Variants in ALOX5AP observed in about 807,000 individuals in gnomAD.
The protein encoded by ALOX5AP is arachidonate 5-lipoxygenase-activating protein.
In ALOX5AP, 9 loss-of-function variants were observed where a neutral mutation model predicts 18.5. The observed-to-expected ratio is 0.49, with a 90% confidence interval of 0.29 to 0.85. The LOEUF is 0.85. ALOX5AP is among the 40% of genes least tolerant of loss of function. The pLI, the probability that ALOX5AP is intolerant of heterozygous loss-of-function variation, is 0.08. For missense variants in ALOX5AP, 172 were observed against 202.5 expected, an observed-to-expected ratio of 0.85 and a Z score of 0.91; for synonymous variants, 81 against 78.6, an observed-to-expected ratio of 1.03 and a Z score of -0.16.
At chr13:30,715,951 G>A (rs1222097358) in intron 1 of ALOX5AP, among the ~76,000 whole-genome samples, 1 of 152,160 alleles carries the variant, frequency 6.6e-6, no homozygotes, top group Non-Finnish European at 1.5e-5. Flanking sequence ...TGCTGAGTTT[G>A]GACCAACATT....
chr13:30,713,930 G>A lies in ALOX5AP; in HGVS notation c.116+89G>A, dbSNP rs537204578. On this transcript the variant is annotated intron_variant, in intron 1 of 5. Transcript: ENST00000617770. ...TTGACCTGGGCCCAGGGCCATGTTC[G>A]GTGGTTTTTAAGAACCGAGGCTCCC... 158 of 1,425,842 alleles carry A rather than the reference G, an allele frequency of 1.1e-4. No homozygotes were observed. The African/African-American group carries it at 1.7e-3, about 15-fold the overall frequency. The allele number at this position is 1,425,842 out of a possible 1,614,324, so 88.3% of individuals were successfully genotyped here.
intron 2 of ALOX5AP, among the ~76,000 whole-genome samples, chr13:30,745,298 T>C (rs149816689): frequency 4.5e-4 from 68 of 152,338 alleles, no homozygotes; most frequent in African/African-American, 1.6e-3. Context: ...CAGTTTTTCA[T>C]TGGCTGCTTT....
chr13:30,717,441 C>T (rs1951558570), intron 1 of ALOX5AP, among the ~76,000 whole-genome samples: 1 of 152,184 alleles, frequency 6.6e-6, no homozygotes, highest in South Asian at 2.1e-4. Flanking sequence ...ATCCTCAAGC[C>T]TAAACCCTCC....
intron 1 of ALOX5AP, among the ~76,000 whole-genome samples, chr13:30,737,078 A>G (rs969652738): frequency 6.6e-6 from 1 of 152,324 alleles, no homozygotes; most frequent in Non-Finnish European, 1.5e-5. Context: ...GGTGGCTAGC[A>G]CTTATTCAGC....
Position 30,735,615 on chromosome 13 carries a change from G to A in ALOX5AP, c.10G>A (p.Glu4Lys). 1 of 1,614,170 alleles carries A rather than the reference G, an allele frequency of 6.2e-7. No homozygotes were observed. The highest frequency in any genetic ancestry group is 8.5e-7 in the Non-Finnish European group (1 of 1,180,032). Residue 4 changes from glutamate to lysine, a missense_variant, in exon 1 of 5, where the codon GAA (glutamate) becomes AAA (lysine). Coordinates refer to ENST00000380490, the MANE Select transcript of ALOX5AP (RefSeq NM_001629.4). The stretch of plus-strand genomic sequence containing the variant: ...GGAGCCTGAAGCAAACATGGATCAA[G>A]AAACTGTAGGCAATGTTGTCCTGTT... MDQ[E>K]TVGNVVLLAI...
At chr13:30,731,221 A>G (rs568194712), upstream of ALOX5AP, among the ~76,000 whole-genome samples, 17 of 152,274 alleles carry the variant, frequency 1.1e-4, no homozygotes, top group African/African-American at 4.1e-4. Context: ...GGGGATTGCC[A>G]GGTACAAATG....
At chr13:30,758,300 C>T (rs933013745) in intron 4 of ALOX5AP, among the ~76,000 whole-genome samples, 2 of 152,196 alleles carry the variant, frequency 1.3e-5, no homozygotes, top group African/African-American at 2.4e-5. Flanking sequence ...CCATCTCCTC[C>T]CCAGGCCTCT....
At chr13:30,741,805 T>C (rs1264766753) in intron 1 of ALOX5AP, among the ~76,000 whole-genome samples, 1 of 150,280 alleles carries the variant, frequency 6.7e-6, no homozygotes, top group Non-Finnish European at 1.5e-5. Flanking sequence ...AATCTGTACA[T>C]GTTCAGTCCA....
Position 30,764,124 on chromosome 13 carries a change from G to A in ALOX5AP, c.*18G>A, listed in dbSNP as rs1408261667. Reference sequence around the variant, plus strand: ...TTCCCTAACTCTCTGCTGAATATGGGGTTGGTGTTCTCATCTAATCAATAC... The same window carrying A: ...TTCCCTAACTCTCTGCTGAATATGGAGTTGGTGTTCTCATCTAATCAATAC... On this transcript the variant is annotated 3_prime_UTR_variant, in exon 5 of 5. Transcript: ENST00000380490. 19 of 1,611,034 alleles carry A rather than the reference G, an allele frequency of 1.2e-5. No homozygotes were observed. Among genetic ancestry groups the A allele is most frequent in the East Asian group, 2.2e-5 (1 of 44,854 alleles).
chr13:30,722,002 A>T (rs570055499), intron 1 of ALOX5AP, among the ~76,000 whole-genome samples: 30 of 152,344 alleles, frequency 2.0e-4, no homozygotes, highest in African/African-American at 6.7e-4. Flanking sequence ...AATGTTTCCC[A>T]TTCATTCCAA....
chr13:30,763,908 A>C (rs1326910451), intron 4 of ALOX5AP, 36 bp from the exon 5 acceptor site: 1 of 1,596,488 alleles, frequency 6.3e-7, no homozygotes, highest in East Asian at 2.2e-5. Flanking sequence ...TGTCATTCGC[A>C]CTGCATCTAC....
chr13:30,725,534 C>G (rs1362599265), intron 1 of ALOX5AP, among the ~76,000 whole-genome samples: 1 of 152,204 alleles, frequency 6.6e-6, no homozygotes, highest in African/African-American at 2.4e-5. Flanking sequence ...GCTCAGCCTG[C>G]CAAGATAGAA....
chr13:30,731,748 G>T (rs1951683111), upstream of ALOX5AP, among the ~76,000 whole-genome samples: 1 of 152,200 alleles, frequency 6.6e-6, no homozygotes, highest in African/African-American at 2.4e-5. Flanking sequence ...CCCTCAGAGG[G>T]TTGCACTGAG....
chr13:30,723,965 G>A (rs1951616178), intron 1 of ALOX5AP, among the ~76,000 whole-genome samples: 1 of 152,104 alleles, frequency 6.6e-6, no homozygotes, highest in Non-Finnish European at 1.5e-5. Flanking sequence ...TACCATAAAA[G>A]TACTCATTTT....
chr13:30,714,266 G>A (rs1225559393), intron 1 of ALOX5AP, among the ~76,000 whole-genome samples: 1 of 149,832 alleles, frequency 6.7e-6, no homozygotes, highest in East Asian at 2.0e-4. Context: ...AAAGCTGACA[G>A]CATCTCTCTG....
At chr13:30,721,395 C>A (rs1256425773) in intron 1 of ALOX5AP, among the ~76,000 whole-genome samples, 1 of 152,202 alleles carries the variant, frequency 6.6e-6, no homozygotes, top group Non-Finnish European at 1.5e-5. Context: ...TTGAGAGGGA[C>A]TTCTCAGGCA....
chr13:30,757,121 A>T (rs1282715205), intron 4 of ALOX5AP, among the ~76,000 whole-genome samples: 1 of 152,188 alleles, frequency 6.6e-6, no homozygotes, highest in Non-Finnish European at 1.5e-5. Context: ...CCAGCCTTCC[A>T]CACCATTTTC....
At chr13:30,719,288 C>T (rs895762531) in intron 1 of ALOX5AP, among the ~76,000 whole-genome samples, 3 of 152,180 alleles carry the variant, frequency 2.0e-5, no homozygotes, top group Middle Eastern at 3.2e-3. Flanking sequence ...AATTGTTGGT[C>T]ATGTAATGAT....
chr13:30,758,551 A>G (rs984330753), intron 4 of ALOX5AP, among the ~76,000 whole-genome samples: 5 of 152,162 alleles, frequency 3.3e-5, no homozygotes, highest in African/African-American at 1.2e-4. Context: ...TCCATAATGA[A>G]TGCCCCAGTC....
Sources: gnomAD v4.1 joint callset for allele counts (sites outside exome capture counted in the v4.1 genomes callset) on GRCh38, gnomAD v4.1.1 for gene constraint, MANE v1.5 for transcripts, NCBI Gene and HGNC (gene_info 2026-07-23, HGNC 2026-07-21) for gene names.